The following DOCK1 variants were observed in gnomAD, a reference collection of about 807,000 sequenced individuals.
The protein encoded by DOCK1 is dedicator of cytokinesis 1.
DOCK1 carries 138 observed loss-of-function variants against 262.7 expected under a neutral mutation model. The ratio of observed to expected loss-of-function variants is 0.53; its 90% CI spans 0.46 to 0.61. The LOEUF is 0.61. DOCK1 is among the 20% of genes least tolerant of loss of function. The pLI is 0.00. For missense variants in DOCK1, 1,908 were observed against 2,370.7 expected, an observed-to-expected ratio of 0.80 and a Z score of 4.05; for synonymous variants, 866 against 867.4, an observed-to-expected ratio of 1.00 and a Z score of 0.03.
chr10:126,952,311 GTAT>G (rs2036324052), intron 1 of DOCK1, among the ~76,000 whole-genome samples: 2 of 150,052 alleles, frequency 1.3e-5, no homozygotes, highest in Admixed American at 6.7e-5. Context: ...GGTGGCAGTA[GTAT>G]TGTTATTGTT....
At chr10:127,065,450 A>G (rs1434698870) in intron 23 of DOCK1, among the ~76,000 whole-genome samples, 1 of 152,144 alleles carries the variant, frequency 6.6e-6, no homozygotes, top group Non-Finnish European at 1.5e-5. Flanking sequence ...GTCCCTGGAT[A>G]GAGGCTCGGC....
intron 29 of DOCK1, among the ~76,000 whole-genome samples, chr10:127,324,737 A>AC (rs2062685262): frequency 6.6e-6 from 1 of 152,220 alleles, no homozygotes; most frequent in African/African-American, 2.4e-5. Context: ...TCAGCCACAC[A>AC]CACAGACATT....
At chr10:126,997,073 G>C (rs1325656478) in intron 7 of DOCK1, among the ~76,000 whole-genome samples, 190 bp downstream of exon 7, 1 of 146,712 alleles carries the variant, frequency 6.8e-6, no homozygotes, top group Non-Finnish European at 1.5e-5. Context: ...GACATGAAAG[G>C]GGGTCGGACA....
chr10:127,254,914 G>T (rs1394735946), intron 28 of DOCK1, among the ~76,000 whole-genome samples: 1 of 152,194 alleles, frequency 6.6e-6, no homozygotes, highest in Non-Finnish European at 1.5e-5. Context: ...GGACAAGGAT[G>T]GACCTAAGTT....
At chr10:126,922,130 T>TC (rs1212595645) in intron 1 of DOCK1, among the ~76,000 whole-genome samples, 1 of 147,304 alleles carries the variant, frequency 6.8e-6, no homozygotes, top group African/African-American at 2.5e-5. Flanking sequence ...GAGGATTATG[T>TC]CCCTGGAGCC....
chr10:127,052,904 T>C (rs1300571428), intron 22 of DOCK1, 89 bp downstream of exon 22: 8 of 1,508,090 alleles, frequency 5.3e-6, no homozygotes, highest in Non-Finnish European at 5.3e-6. Flanking sequence ...CGTCCCCTTA[T>C]TCTTTCCTTT....
At chr10:127,082,471 A>G (rs923939990) in intron 23 of DOCK1, among the ~76,000 whole-genome samples, 2 of 152,162 alleles carry the variant, frequency 1.3e-5, no homozygotes, top group Non-Finnish European at 2.9e-5. Flanking sequence ...GCGGCAGGCA[A>G]GAGAGCGTGT....
chr10:127,323,182 G>C (rs1405687432), intron 29 of DOCK1, among the ~76,000 whole-genome samples: 1 of 152,130 alleles, frequency 6.6e-6, no homozygotes, highest in African/African-American at 2.4e-5. Flanking sequence ...AGGACCTCGT[G>C]GGTGAGGACT....
At chr10:126,981,613 TC>T (rs950245871) in intron 3 of DOCK1, among the ~76,000 whole-genome samples, 2 of 152,206 alleles carry the variant, frequency 1.3e-5, no homozygotes, top group African/African-American at 4.8e-5. Flanking sequence ...TGGCCTTTGT[TC>T]TGCCTGCATT....
At chr10:127,353,535 A>G (rs1405946619) in intron 31 of DOCK1, among the ~76,000 whole-genome samples, 1 of 152,116 alleles carries the variant, frequency 6.6e-6, no homozygotes, top group Non-Finnish European at 1.5e-5. Context: ...CCGTCTCCCC[A>G]GCTGAGATGC....
chr10:127,031,928 G>A (rs1336877990), intron 17 of DOCK1, among the ~76,000 whole-genome samples, 175 bp downstream of exon 17: 1 of 152,174 alleles, frequency 6.6e-6, no homozygotes, highest in African/African-American at 2.4e-5. Context: ...AACGGGAAAA[G>A]ATGATATACA....
intron 29 of DOCK1, among the ~76,000 whole-genome samples, chr10:127,337,172 CAAG>C (rs1313975363): frequency 4.6e-5 from 7 of 152,060 alleles, no homozygotes; most frequent in Non-Finnish European, 8.8e-5. Flanking sequence ...CCTGTAATGA[CAAG>C]AAGGTGTTGT....
At chr10:126,947,196 A>G (rs1228138827) in intron 1 of DOCK1, among the ~76,000 whole-genome samples, 2 of 151,482 alleles carry the variant, frequency 1.3e-5, no homozygotes, top group East Asian at 3.9e-4. Context: ...TCAGGGCAGA[A>G]TAAAGTTTAC....
At chr10:127,025,860 T>G (rs2135474741) in intron 15 of DOCK1, 2 of 163,404 alleles carry the variant, frequency 1.2e-5, no homozygotes, top group South Asian at 3.4e-4. Context: ...GTCAGGAGTT[T>G]GAGGCCAGCC....
Position 127,186,504 on chromosome 10 carries a change from ACCGCCCCCCC to A in DOCK1, c.2847+58741_2847+58750del, listed in dbSNP as rs1429039694. Among the ~76,000 whole-genome samples, 147 of 9,024 alleles carry A rather than the reference ACCGCCCCCCC, an allele frequency of 0.016. 29 individuals are homozygous for A. In the East Asian group the frequency reaches 0.38, roughly 23 times the overall value. 5.9% of individuals were successfully genotyped at this position (9,024 alleles called of 152,430 possible). On this transcript the variant is annotated intron_variant, in intron 27 of 51. Coordinates refer to ENST00000623213, the MANE Select transcript of DOCK1 (RefSeq NM_001290223.2). ...CAATCATGATAACAGCATGGGAGAAACCGCCCCCCCGCCCCCCCCCGATCCAGTTACCTCC... is the reference window on the plus strand; with the variant it reads ...CAATCATGATAACAGCATGGGAGAAAGCCCCCCCCCGATCCAGTTACCTCC...
chr10:127,166,631 T>A (rs1017598602), intron 27 of DOCK1, among the ~76,000 whole-genome samples: 1 of 152,232 alleles, frequency 6.6e-6, no homozygotes, highest in Admixed American at 6.5e-5. Flanking sequence ...AGGTGACCTC[T>A]GTAGGTCATC....
intron 29 of DOCK1, among the ~76,000 whole-genome samples, chr10:127,306,554 G>T (rs2061884348): frequency 6.6e-6 from 1 of 152,302 alleles, no homozygotes; most frequent in African/African-American, 2.4e-5. Context: ...TTTGGTACAG[G>T]AGCTCTCGGG....
intron 1 of DOCK1, among the ~76,000 whole-genome samples, chr10:126,925,541 G>A (rs375216610): frequency 2.0e-5 from 3 of 151,978 alleles, no homozygotes; most frequent in Admixed American, 6.5e-5. Context: ...CCACCACCAC[G>A]CCCAGCTAAT....
intron 1 of DOCK1, among the ~76,000 whole-genome samples, chr10:126,955,541 C>T (rs1227057411): frequency 1.3e-5 from 2 of 152,144 alleles, no homozygotes; most frequent in African/African-American, 2.4e-5. Context: ...CGCCCATGTT[C>T]GGGGCACAAG....
Sources: gnomAD v4.1 joint callset for allele counts (sites outside exome capture counted in the v4.1 genomes callset) on GRCh38, gnomAD v4.1.1 for gene constraint, MANE v1.5 for transcripts, NCBI Gene and HGNC (gene_info 2026-07-23, HGNC 2026-07-21) for gene names.